The following CFAP46 variants were observed in gnomAD, a reference collection of about 807,000 sequenced individuals.
The protein encoded by CFAP46 is cilia and flagella associated protein 46.
Under a neutral mutation model 325.7 loss-of-function variants are expected in CFAP46, and 245 were observed. That is an observed-to-expected ratio of 0.75 (90% CI 0.68 to 0.84). CFAP46 has a LOEUF of 0.84. CFAP46 is among the 40% of genes least tolerant of loss of function. The pLI is 0.00. For missense variants in CFAP46, 3,346 were observed against 3,543.0 expected, an observed-to-expected ratio of 0.94 and a Z score of 1.41; for synonymous variants, 1,523 against 1,495.9, an observed-to-expected ratio of 1.02 and a Z score of -0.42.
chr10:132,902,573 G>A (rs776984015), intron 22 of CFAP46, among the ~76,000 whole-genome samples: 39 of 152,156 alleles, frequency 2.6e-4, no homozygotes, highest in Non-Finnish European at 4.6e-4. Flanking sequence ...GACAGTAGCT[G>A]TTTTCAACTC....
intron 44 of CFAP46, among the ~76,000 whole-genome samples, 183 bp downstream of exon 44, chr10:132,845,874 A>AG (rs1303263349): frequency 6.6e-6 from 1 of 152,166 alleles, no homozygotes; most frequent in East Asian, 1.9e-4. Context: ...CACAAGGACC[A>AG]GGGGACACTG....
chr10:132,825,346 C>G (rs977778528), intron 50 of CFAP46, among the ~76,000 whole-genome samples: 1 of 152,140 alleles, frequency 6.6e-6, no homozygotes, highest in African/African-American at 2.4e-5. Flanking sequence ...GTGTGTCCAC[C>G]GCGCTGTGGG....
At position 132,920,084 on chromosome 10, in the gene CFAP46, G is replaced by A; in HGVS notation, c.1705C>T (p.Leu569=). Residue 569 remains leucine (L), a synonymous_variant, in exon 14 of 58, where the codon CTG becomes TTG. Coordinates refer to ENST00000368586, the MANE Select transcript of CFAP46 (RefSeq NM_001200049.3). The part of the protein sequence containing the change: ...VDKAAGHLRR[L]GNENDKERIQ... ...CTCTCCTTGTCGTTTTCGTTGCCCA[G>A]GCGCCGCAGGTGCCCGGCAGCTTTG... The A allele has an allele frequency of 6.5e-7, 1 of 1,547,690 alleles. No individual in the cohort carries two copies. The highest frequency in any genetic ancestry group is 8.7e-7 in the Non-Finnish European group (1 of 1,145,930).
intron 27 of CFAP46, among the ~76,000 whole-genome samples, chr10:132,881,863 A>C (rs1310917119): frequency 6.6e-6 from 1 of 152,272 alleles, no homozygotes; most frequent in Non-Finnish European, 1.5e-5. Flanking sequence ...CCACTTATTC[A>C]GCCCACGAAT....
At chr10:132,837,183 G>A in intron 44 of CFAP46, 1 of 465,624 alleles carries the variant, frequency 2.1e-6, no homozygotes, top group Non-Finnish European at 3.9e-6. Context: ...TGATTTGCAT[G>A]ACGCAAAGTG....
At chr10:132,896,071 T>C (rs4424596) in intron 24 of CFAP46, among the ~76,000 whole-genome samples, 73 of 42,840 alleles carry the variant, frequency 1.7e-3, no homozygotes, top group African/African-American at 5.9e-3. Flanking sequence ...CATGAAGACA[T>C]GGTGAGAAGG....
intron 22 of CFAP46, among the ~76,000 whole-genome samples, chr10:132,907,134 T>C (rs1268690044): frequency 5.3e-5 from 8 of 152,376 alleles, no homozygotes; most frequent in African/African-American, 1.9e-4. Flanking sequence ...CCTGGGGCGC[T>C]CCTTGCCTCC....
Position 132,836,210 on chromosome 10 carries a change from A to C in CFAP46, c.6545T>G (p.Leu2182Arg), listed in dbSNP as rs1439905497. Residue 2182 changes from leucine to arginine, a missense_variant, in exon 46 of 58, where the codon CTG becomes CGG. Physicochemically the swap from Leu to Arg is moderately radical, Grantham distance 102. Transcript: ENST00000368586. ...GGGTTTCTCGTAGGCAGCGCCGTAC[A>C]GACGGGACCTGCTGGCAGGACGTGG... Reference protein sequence around the residue: ...FLHLSGDRSRLYGAAYEKPKF... With the variant: ...FLHLSGDRSRRYGAAYEKPKF... 1 of 1,611,154 alleles carries C rather than the reference A, an allele frequency of 6.2e-7. No homozygotes were observed. The highest frequency in any genetic ancestry group is 1.1e-5 in the South Asian group (1 of 90,958).
intron 50 of CFAP46, among the ~76,000 whole-genome samples, chr10:132,821,119 CTGTG>C (rs1432259220): frequency 3.6e-5 from 2 of 54,936 alleles, no homozygotes; most frequent in South Asian, 7.0e-4. Context: ...CTGATGTGTG[CTGTG>C]TGTGTGCTGA....
chr10:132,824,010 G>C (rs1046236497), intron 50 of CFAP46, among the ~76,000 whole-genome samples: 2 of 58,796 alleles, frequency 3.4e-5, no homozygotes, highest in Admixed American at 3.7e-4. Context: ...TGCTGTGTGT[G>C]TGCTGTGTGC....
At chr10:132,936,541 C>T (rs1850009749) in intron 7 of CFAP46, among the ~76,000 whole-genome samples, 1 of 149,970 alleles carries the variant, frequency 6.7e-6, no homozygotes, top group African/African-American at 2.5e-5. Context: ...TCCTCACTCC[C>T]CTCAGCCCCC....
intron 22 of CFAP46, among the ~76,000 whole-genome samples, chr10:132,902,508 T>C (rs1262279781): frequency 6.6e-6 from 1 of 152,280 alleles, no homozygotes; most frequent in African/African-American, 2.4e-5. Flanking sequence ...GTTCCATTCT[T>C]TATTGAAATT....
intron 13 of CFAP46, among the ~76,000 whole-genome samples, chr10:132,921,883 G>A (rs994738063): frequency 2.6e-5 from 4 of 152,356 alleles, no homozygotes; most frequent in South Asian, 2.1e-4. Context: ...GGTCTGTCCC[G>A]GCACACAGGG....
chr10:132,814,999 T>C (rs1847665999), intron 50 of CFAP46, 85 bp from the exon 51 acceptor site: 1 of 1,197,278 alleles, frequency 8.4e-7, no homozygotes, highest in Non-Finnish European at 1.2e-6. Context: ...TTTCATGTTA[T>C]GCAAATTTCA....
rs1848836283 is a variant in CFAP46, at chr10:132,867,652, A to C, written c.4611-145T>G. On this transcript the variant is annotated intron_variant, in intron 33 of 57. Coordinates refer to ENST00000368586, the MANE Select transcript of CFAP46 (RefSeq NM_001200049.3). ...ACAAAGATTTTTAAAAATCCTCAGG[A>C]TCTAACGGCACATCCGACTCCCAAA... The C allele has an allele frequency of 4.5e-6, 5 of 1,103,828 alleles. No individual in the cohort carries two copies. In the South Asian group the frequency reaches 5.0e-5, roughly 11 times the overall value. 68.4% of individuals were successfully genotyped at this position (1,103,828 alleles called of 1,614,324 possible).
rs866535514 is a variant in CFAP46 at position 132,814,843 on chromosome 10, C to T, written c.7188+1G>A. On this transcript the variant is annotated splice_donor_variant, in intron 51 of 57. Transcript: ENST00000368586. LOFTEE classifies it high-confidence loss of function. Reference sequence around the variant, plus strand: ...ATCCCCTATCACAGGCCCCCACCCACCTTCCTGCCCTTCTTCGCTAGGCTT... The same window carrying T: ...ATCCCCTATCACAGGCCCCCACCCATCTTCCTGCCCTTCTTCGCTAGGCTT... The T allele has an allele frequency of 6.2e-7, 1 of 1,614,208 alleles. No individual in the cohort carries two copies. The highest frequency in any genetic ancestry group is 2.2e-5 in the East Asian group (1 of 44,874).
rs573971948 is a variant in CFAP46 at position 132,832,267 on chromosome 10, C to T, written c.7117+1091G>A. On this transcript the variant is annotated intron_variant, in intron 50 of 57. Transcript: ENST00000368586. The surrounding 1 kb of genome is among the most constrained non-coding windows in gnomAD (Gnocchi z 4.1). ...TTCCTGCTGAGGGCTCTGCAGATCT[C>T]GGAGTGGCCGTTCCTTGCAGCTCTC... is the stretch of plus-strand genomic sequence containing the variant. 7.2e-5 allele frequency among the ~76,000 whole-genome samples: 11 copies of T among 152,226 alleles called. No homozygotes were observed. The South Asian group carries it at 8.3e-4, about 12-fold the overall frequency.
intron 17 of CFAP46, among the ~76,000 whole-genome samples, chr10:132,915,628 G>A (rs547035734): frequency 1.3e-4 from 19 of 151,276 alleles, no homozygotes; most frequent in African/African-American, 2.2e-4. Context: ...CCGAGGGACC[G>A]GCGAGGGCGG....
intron 9 of CFAP46, among the ~76,000 whole-genome samples, chr10:132,928,208 G>C (rs894616028): frequency 1.3e-5 from 2 of 152,248 alleles, no homozygotes; most frequent in African/African-American, 4.8e-5. Context: ...ATTTTGCAGG[G>C]ACAAGCCCTG....
Sources: allele counts gnomAD v4.1 joint callset (sites outside exome capture counted in the v4.1 genomes callset), GRCh38; gene constraint gnomAD v4.1.1; non-coding constraint Gnocchi (gnomAD v3.1); transcripts MANE v1.5; gene names NCBI Gene and HGNC (gene_info 2026-07-23, HGNC 2026-07-21).